GABRA3: variants seen among roughly 807,000 people sequenced by gnomAD.
The protein encoded by GABRA3 is gamma-aminobutyric acid type A receptor subunit alpha3.
Under a neutral mutation model 30.1 loss-of-function variants are expected in GABRA3, and 10 were observed. The observed-to-expected ratio is 0.33, with a 90% CI of 0.20 to 0.56. The LOEUF (loss-of-function observed/expected upper bound fraction) is 0.56. Ranked by LOEUF, GABRA3 falls within the 20% of genes least tolerant of loss-of-function variation. The pLI is 0.89. For missense variants in GABRA3, 233 were observed against 392.0 expected, an observed-to-expected ratio of 0.59 and a Z score of 3.42; for synonymous variants, 151 against 146.8, an observed-to-expected ratio of 1.03 and a Z score of -0.21.
At chrX:152,377,301 A>G (rs1929024061) in intron 1 of GABRA3, among the ~76,000 whole-genome samples, 1 of 111,654 alleles carries the variant, frequency 9.0e-6, no homozygotes, top group African/African-American at 3.3e-5. Flanking sequence ...GCTTTCAATA[A>G]TAATACTGCA....
intron 1 of GABRA3, among the ~76,000 whole-genome samples, chrX:152,435,524 T>A (rs1930757096): frequency 9.6e-6 from 1 of 103,871 alleles, no homozygotes; most frequent in East Asian, 3.1e-4. Context: ...ATGTTCTCAC[T>A]CATAAGGGGG....
chrX:152,171,226 A>G (rs368440125), intron 9 of GABRA3: 2 of 118,692 alleles, frequency 1.7e-5, no homozygotes, highest in African/African-American at 6.4e-5. Context: ...TAAACTGGCT[A>G]TGACTAAGTC....
chrX:152,256,948 A>G (rs1015607672), intron 4 of GABRA3, among the ~76,000 whole-genome samples: 1 of 111,591 alleles, frequency 9.0e-6, no homozygotes, highest in Non-Finnish European at 1.9e-5. Flanking sequence ...GAGAATCTGG[A>G]CCATTAGGGA....
chrX:152,249,287 T>C (rs1938512486), intron 5 of GABRA3, among the ~76,000 whole-genome samples: 1 of 111,555 alleles, frequency 9.0e-6, no homozygotes, highest in African/African-American at 3.3e-5. Flanking sequence ...GTGCCATCAA[T>C]GTTACCTCTT....
At position 152,180,666 on chromosome X, in the gene GABRA3, T is replaced by C. The variant is rs138913217; in HGVS notation, c.1143+9064A>G. Among the ~76,000 whole-genome samples the C allele has an allele frequency of 6.9e-3, 773 of 112,100 alleles. 10 individuals carry two copies. Among genetic ancestry groups the C allele is most frequent in the African/African-American group, 0.023 (724 of 30,879 alleles). On this transcript the variant is annotated intron_variant, in intron 9 of 9. Transcript: ENST00000370314. ...ATGTTTCATTTTAGTAGTTTTAGAA[T>C]TTCAGGCATTACATTTAAACCTTTA...
chrX:152,235,692 T>C (rs1394519113), intron 5 of GABRA3, among the ~76,000 whole-genome samples: 1 of 111,106 alleles, frequency 9.0e-6, no homozygotes, highest in Non-Finnish European at 1.9e-5. Flanking sequence ...ACACTAAACG[T>C]TGATGAAAGA....
At chrX:152,172,256 C>T (rs1457654311) in intron 9 of GABRA3, among the ~76,000 whole-genome samples, 1 of 111,570 alleles carries the variant, frequency 9.0e-6, no homozygotes, top group Non-Finnish European at 1.9e-5. Flanking sequence ...TGAGACCCCA[C>T]CTCACATTAT....
chrX:152,322,538 T>G (rs1449117360), intron 3 of GABRA3, among the ~76,000 whole-genome samples: 1 of 105,461 alleles, frequency 9.5e-6, no homozygotes, highest in Non-Finnish European at 2.0e-5. Context: ...AGTCAACTCT[T>G]TTTTTTTTTT....
intron 9 of GABRA3, among the ~76,000 whole-genome samples, chrX:152,182,815 CATAT>C (rs1365213566): frequency 6.2e-5 from 3 of 48,748 alleles, no homozygotes; most frequent in African/African-American, 8.0e-5. Flanking sequence ...ATATTTACAC[CATAT>C]ATATACATAT....
intron 3 of GABRA3, among the ~76,000 whole-genome samples, chrX:152,311,702 G>C (rs1241264753): frequency 9.0e-6 from 1 of 111,350 alleles, no homozygotes; most frequent in Non-Finnish European, 1.9e-5. Context: ...TCTTGCTAGA[G>C]CAATCGGGCA....
At chrX:152,342,297 T>C (rs1026752782) in intron 3 of GABRA3, among the ~76,000 whole-genome samples, 3 of 112,481 alleles carry the variant, frequency 2.7e-5, no homozygotes, top group Non-Finnish European at 5.6e-5. Context: ...ACCATTTATA[T>C]ATATTCTTTT....
intron 3 of GABRA3, among the ~76,000 whole-genome samples, chrX:152,307,360 A>G (rs1156728114): frequency 8.9e-6 from 1 of 112,120 alleles, no homozygotes; most frequent in Non-Finnish European, 1.9e-5. Flanking sequence ...TGTACCTAAC[A>G]CCTTCTGTGA....
At chrX:152,222,386 T>G in intron 6 of GABRA3, among the ~76,000 whole-genome samples, 1 of 107,929 alleles carries the variant, frequency 9.3e-6, no homozygotes, top group Admixed American at 1.0e-4. Flanking sequence ...CCTGTAATTC[T>G]AATTTATTCT....
At chrX:152,401,283 T>TATAC (rs1569417827) in intron 1 of GABRA3, among the ~76,000 whole-genome samples, 1 of 103,193 alleles carries the variant, frequency 9.7e-6, no homozygotes, top group African/African-American at 3.7e-5. Flanking sequence ...TATATATATA[T>TATAC]ATATACACAC....
At chrX:152,199,086 GGT>G (rs1569353255) in intron 7 of GABRA3, among the ~76,000 whole-genome samples, 19 of 111,330 alleles carry the variant, frequency 1.7e-4, no homozygotes, top group African/African-American at 4.6e-4. Flanking sequence ...CAGAGGGCTG[GGT>G]GCGGTGGCTC....
chrX:152,167,294 G>A lies in GABRA3; in HGVS notation c.*934C>T, dbSNP rs1936948289. On this transcript the variant is annotated 3_prime_UTR_variant, in exon 10 of 10. Coordinates refer to ENST00000370314, the MANE Select transcript of GABRA3 (RefSeq NM_000808.4). ...CACTCCAAACCTCTTACCCAATCCAGTATAGGCTAGTTGCCTTGGCAGGGA... is the reference window on the plus strand; with the variant it reads ...CACTCCAAACCTCTTACCCAATCCAATATAGGCTAGTTGCCTTGGCAGGGA... 8.9e-6 allele frequency: 1 copy of A among 112,030 alleles called. No homozygotes were observed. The highest frequency in any genetic ancestry group is 3.2e-5 in the African/African-American group (1 of 30,800). The allele number at this position is 112,030 out of a possible 1,213,427, so 9.2% of individuals were successfully genotyped here.
At chrX:152,382,643 A>C (rs929916540) in intron 1 of GABRA3, among the ~76,000 whole-genome samples, 2 of 111,575 alleles carry the variant, frequency 1.8e-5, no homozygotes, top group Admixed American at 9.5e-5. Flanking sequence ...TAGTTGTTTT[A>C]TAGTTGTAGG....
intron 4 of GABRA3, among the ~76,000 whole-genome samples, chrX:152,270,964 CTTT>C (rs143686229): frequency 3.1e-5 from 3 of 97,535 alleles, no homozygotes; most frequent in Non-Finnish European, 2.1e-5. Flanking sequence ...CTAGAGACTT[CTTT>C]TTTTTTTTTT....
chrX:152,187,501 G>A (rs1937270683), intron 9 of GABRA3: 2 of 111,778 alleles, frequency 1.8e-5, no homozygotes, highest in Non-Finnish European at 3.8e-5. Context: ...CAAAATTAAA[G>A]AATATAATAC....
Sources: allele counts gnomAD v4.1 joint callset (sites outside exome capture counted in the v4.1 genomes callset), GRCh38; gene constraint gnomAD v4.1.1; transcripts MANE v1.5; gene names NCBI Gene and HGNC (gene_info 2026-07-23, HGNC 2026-07-21).